The following CDKN2B-AS1 variants were observed in gnomAD, a reference collection of about 807,000 sequenced individuals.
CDKN2B-AS1 encodes CDKN2B antisense RNA 1 (non-protein coding).
At chr9:22,073,943 A>G (rs536817903) in intron 4 of CDKN2B-AS1, among the ~76,000 whole-genome samples, 16 of 151,618 alleles carry the variant, frequency 1.1e-4, no homozygotes, top group African/African-American at 3.6e-4. Context: ...AGCTTACTGC[A>G]ACCTCTGGCT....
chr9:22,074,972 G>C (rs1824438743), intron 4 of CDKN2B-AS1, among the ~76,000 whole-genome samples: 1 of 152,154 alleles, frequency 6.6e-6, no homozygotes, highest in Non-Finnish European at 1.5e-5. Context: ...ATTTTAGATG[G>C]TACATAGACA....
chr9:22,127,117 T>C (rs1267091790), exon 5 of CDKN2B-AS1, among the ~76,000 whole-genome samples: 1 of 152,110 alleles, frequency 6.6e-6, no homozygotes, highest in Non-Finnish European at 1.5e-5. Flanking sequence ...AGTGTCACTC[T>C]GTCGCCCAGG....
At chr9:22,044,439 C>T (rs528864280) in intron 1 of CDKN2B-AS1, among the ~76,000 whole-genome samples, 1 of 152,056 alleles carries the variant, frequency 6.6e-6, no homozygotes, top group South Asian at 2.1e-4. Flanking sequence ...AGTGTGAATA[C>T]TCTGGAGATT....
intron 4 of CDKN2B-AS1, among the ~76,000 whole-genome samples, chr9:22,075,316 G>A (rs111792578): frequency 1.3e-5 from 2 of 152,184 alleles, no homozygotes; most frequent in African/African-American, 2.4e-5. Context: ...AGGCAATGAT[G>A]AGGAATCACA....
In CDKN2B-AS1 at chr9:22,009,513, A is replaced by G. The variant is rs529804415; in HGVS notation, n.29+14352A>G. The G allele has an allele frequency of 4.7e-5, 11 of 235,562 alleles. No homozygotes were observed. In the South Asian group the frequency reaches 7.5e-4, roughly 16 times the overall value. The allele number at this position is 235,562 out of a possible 1,614,324, so 14.6% of individuals were successfully genotyped here. On this transcript the variant is annotated intron_variant and non_coding_transcript_variant, in intron 1 of 4. Coordinates refer to ENST00000650946, the Ensembl canonical transcript of CDKN2B-AS1. ...GGGAGCCGCCAGGAATGCTGGCTGC[A>G]CTGCTCGCTGGATGTCCAGTAAAGC...
At chr9:22,110,835 C>A (rs1351515902) in intron 4 of CDKN2B-AS1, among the ~76,000 whole-genome samples, 1 of 152,128 alleles carries the variant, frequency 6.6e-6, no homozygotes, top group African/African-American at 2.4e-5. Context: ...CAAACATTAA[C>A]TTGTTTTCTT....
At chr9:22,023,941 C>T (rs1361033333) in intron 1 of CDKN2B-AS1, among the ~76,000 whole-genome samples, 3 of 152,204 alleles carry the variant, frequency 2.0e-5, no homozygotes, top group Non-Finnish European at 4.4e-5. Context: ...TCTATCATTT[C>T]AGCCATCTCA....
chr9:22,103,380 G>A (rs1440970524), intron 4 of CDKN2B-AS1, among the ~76,000 whole-genome samples: 2 of 152,070 alleles, frequency 1.3e-5, no homozygotes, highest in East Asian at 3.9e-4. Context: ...TTGGTCAGAG[G>A]CTAACCCAAA....
intron 4 of CDKN2B-AS1, among the ~76,000 whole-genome samples, chr9:22,065,234 A>G (rs1823988676): frequency 6.6e-6 from 1 of 152,132 alleles, no homozygotes; most frequent in Admixed American, 6.6e-5. Flanking sequence ...AAGCCCAGAC[A>G]CCCATCTAGG....
intron 4 of CDKN2B-AS1, among the ~76,000 whole-genome samples, chr9:22,083,161 C>T (rs1481285617): frequency 6.6e-6 from 1 of 152,154 alleles, no homozygotes; most frequent in East Asian, 1.9e-4. Flanking sequence ...AATAGATTCC[C>T]ATTTTTCTCA....
chr9:22,079,693 T>A (rs1416768730), intron 4 of CDKN2B-AS1, among the ~76,000 whole-genome samples: 3 of 151,960 alleles, frequency 2.0e-5, no homozygotes, highest in Non-Finnish European at 4.4e-5. Context: ...TTTCCTTTTT[T>A]TCAGAATAGG....
At chr9:22,086,155 T>A (rs1053693064) in intron 4 of CDKN2B-AS1, among the ~76,000 whole-genome samples, 1 of 152,152 alleles carries the variant, frequency 6.6e-6, no homozygotes, top group Non-Finnish European at 1.5e-5. Flanking sequence ...GTGGTAGAGT[T>A]ATTATTGAGA....
chr9:22,012,237 C>A (rs16935754), intron 1 of CDKN2B-AS1: 6 of 1,419,324 alleles, frequency 4.2e-6, no homozygotes, highest in South Asian at 2.3e-5. Flanking sequence ...AATGTCAGTG[C>A]GAAAATTCAA....
At chr9:22,029,294 T>C in intron 1 of CDKN2B-AS1, 1 of 635,582 alleles carries the variant, frequency 1.6e-6, no homozygotes, top group Non-Finnish European at 2.8e-6. Context: ...AGAAAGCTAT[T>C]ACCGTCTTTA....
intron 4 of CDKN2B-AS1, among the ~76,000 whole-genome samples, chr9:22,068,660 C>G (rs1824165234): frequency 6.6e-6 from 1 of 152,200 alleles, no homozygotes. Flanking sequence ...ATAGTAAGAT[C>G]AGCATTGCAT....
chr9:22,022,881 A>G lies in CDKN2B-AS1; in HGVS notation n.30-23870A>G, dbSNP rs1442069843. ...AAAGGATCTTATTTTTCCTTCTCTT[A>G]TGAAACTTAGTTTGACCAGATATAA... On this transcript the variant is annotated intron_variant and non_coding_transcript_variant, in intron 1 of 4. Transcript: ENST00000650946. Among the ~76,000 whole-genome samples, 7 of 152,240 alleles carry G rather than the reference A, an allele frequency of 4.6e-5. No homozygotes were observed. In the East Asian group the frequency reaches 1.3e-3, roughly 29 times the overall value.
intron 4 of CDKN2B-AS1, among the ~76,000 whole-genome samples, chr9:22,062,924 T>C (rs1276612570): frequency 6.6e-6 from 1 of 150,976 alleles, no homozygotes; most frequent in Admixed American, 6.6e-5. Flanking sequence ...AAGTAGGTGG[T>C]GATGCCTTTG....
Position 22,056,554 on chromosome 9 carries a change from C to T in CDKN2B-AS1, n.438+167C>T, listed in dbSNP as rs182717931. ...GCATGGACACAGGTGACTGTTTTCTCCTTTTTGAACCCCTGCTTACTCCAG... is the reference window on the plus strand; with the variant it reads ...GCATGGACACAGGTGACTGTTTTCTTCTTTTTGAACCCCTGCTTACTCCAG... On this transcript the variant is annotated intron_variant and non_coding_transcript_variant, in intron 4 of 4. Coordinates refer to ENST00000650946, the Ensembl canonical transcript of CDKN2B-AS1. Among the ~76,000 whole-genome samples, 463 of 152,164 alleles carry T rather than the reference C, an allele frequency of 3.0e-3. 4 individuals carry two copies. The highest frequency in any genetic ancestry group is 0.024 in the Middle Eastern group (7 of 294).
chr9:22,012,520 C>T (rs1348995590), intron 1 of CDKN2B-AS1: 3 of 641,764 alleles, frequency 4.7e-6, no homozygotes, highest in East Asian at 6.7e-5. Flanking sequence ...ACAACCTGCA[C>T]CCCAAGAAGG....
Sources: allele counts gnomAD v4.1 joint callset (sites outside exome capture counted in the v4.1 genomes callset), GRCh38; gene constraint gnomAD v4.1.1; transcripts MANE v1.5; gene names NCBI Gene and HGNC (gene_info 2026-07-23, HGNC 2026-07-21).